HIVEP1: variants seen among roughly 807,000 people sequenced by gnomAD.
The protein encoded by HIVEP1 is zinc finger protein 40.
Under a neutral mutation model 180.0 loss-of-function variants are expected in HIVEP1, and 36 were observed. The ratio of observed to expected loss-of-function variants is 0.20; its 90% CI spans 0.15 to 0.26. The LOEUF (loss-of-function observed/expected upper bound fraction) is 0.26, where lower values mean the gene tolerates loss of function less well. Ranked by LOEUF, HIVEP1 falls within the 10% of genes least tolerant of loss-of-function variation. The pLI is 1.00. For synonymous variants in HIVEP1, 1,239 were observed against 1,239.0 expected (o/e 1.00, Z 0.00); for missense variants, 3,143 against 3,268.7 (o/e 0.96, Z 0.94).
chr6:12,052,006 T>C (rs963349203), intron 2 of HIVEP1, among the ~76,000 whole-genome samples: 10 of 152,224 alleles, frequency 6.6e-5, no homozygotes, highest in African/African-American at 2.4e-4. Flanking sequence ...CAACTGAGGA[T>C]AGCATGTCGT....
chr6:12,203,029 C>T, the HIVEP1 span, among the ~76,000 whole-genome samples: 3 of 152,214 alleles, frequency 2.0e-5, no homozygotes, highest in Non-Finnish European at 2.9e-5. Flanking sequence ...CAAACATTTT[C>T]AGATGTTGAA....
rs748405956 is a variant in HIVEP1 at position 12,123,211 on chromosome 6, C to G, written c.3416C>G (p.Thr1139Ser). Reference sequence around the variant, plus strand: ...ACTGGAATCTCTGTCATCCAGCACACCAACTCCCTGAGCAGGCCCAACTCA... The same window carrying G: ...ACTGGAATCTCTGTCATCCAGCACAGCAACTCCCTGAGCAGGCCCAACTCA... ...HGTGISVIQH[T>S]NSLSRPNSFD... is the part of the protein sequence containing the mutation. Residue 1139 changes from threonine (T) to serine (S), a missense_variant, in exon 4 of 9, where the codon ACC becomes AGC. Thr to Ser is a moderately conservative substitution (Grantham distance 58, BLOSUM62 1). Transcript: ENST00000379388. 1.9e-6 allele frequency: 3 copies of G among 1,614,172 alleles called. No individual in the cohort carries two copies. Among genetic ancestry groups the G allele is most frequent in the Non-Finnish European group, 2.5e-6 (3 of 1,180,022 alleles).
chr6:12,121,263 G>A lies in HIVEP1; in HGVS notation c.1468G>A (p.Glu490Lys), dbSNP rs780487144. 6.2e-6 allele frequency: 10 copies of A among 1,614,168 alleles called. No individual in the cohort carries two copies. The highest frequency in any genetic ancestry group is 7.6e-6 in the Non-Finnish European group (9 of 1,180,040). ...PKALSIHSDV[E>K]DSGESEEEGA... Reference sequence around the variant, plus strand: ...AGCACTTAGTATTCATTCAGACGTAGAAGACAGTGGGGAGAGCGAGGAGGA... The same window carrying A: ...AGCACTTAGTATTCATTCAGACGTAAAAGACAGTGGGGAGAGCGAGGAGGA... The change falls in exon 4 of 9, where the codon GAA becomes AAA. Residue 490 changes from glutamate (E) to lysine (K), a missense_variant. Transcript: ENST00000379388. This position sits in a 1 kb window ranked among gnomAD's most constrained non-coding sequence, Gnocchi z 5.3.
At chr6:12,155,014 T>C (rs187442209) in intron 7 of HIVEP1, among the ~76,000 whole-genome samples, 1 of 152,316 alleles carries the variant, frequency 6.6e-6, no homozygotes, top group Non-Finnish European at 1.5e-5. Context: ...TTTTTCCCTC[T>C]CCTTGCTTTG....
intron 2 of HIVEP1, 57 bp downstream of exon 2, chr6:12,015,725 CTCTT>C: frequency 3.3e-6 from 5 of 1,500,682 alleles, no homozygotes; most frequent in Non-Finnish European, 4.6e-6. Flanking sequence ...AACAAAGTAT[CTCTT>C]TGGTGACAGG....
At chr6:12,075,411 G>A (rs1467570439) in intron 2 of HIVEP1, among the ~76,000 whole-genome samples, 2 of 152,108 alleles carry the variant, frequency 1.3e-5, no homozygotes, top group Non-Finnish European at 2.9e-5. Flanking sequence ...TTTCCTTTGG[G>A]CTCAGATGAT....
rs1264802726 is a variant in HIVEP1 at position 12,125,525 on chromosome 6, A to G, written c.5730A>G (p.Gln1910=). The G allele has an allele frequency of 6.2e-7, 1 of 1,614,194 alleles. No individual in the cohort carries two copies. Among genetic ancestry groups the G allele is most frequent in the Admixed American group, 1.7e-5 (1 of 60,030 alleles). The change falls in exon 4 of 9, where the codon CAA becomes CAG. Residue 1910 remains glutamine (Q), a synonymous_variant. Transcript: ENST00000379388. Reference sequence around the variant, plus strand: ...ATCAAGGTGACAAAGTGAACATCCAAGAGCAAAGTCAACAGCCAGTCACTT... The same window carrying G: ...ATCAAGGTGACAAAGTGAACATCCAGGAGCAAAGTCAACAGCCAGTCACTT... ...VKNQGDKVNI[Q]EQSQQPVTSL... is the part of the protein sequence containing the mutation.
At chr6:12,032,315 T>C (rs1769008939) in intron 2 of HIVEP1, among the ~76,000 whole-genome samples, 1 of 150,594 alleles carries the variant, frequency 6.6e-6, no homozygotes, top group Non-Finnish European at 1.5e-5. Context: ...ATTTTTTGTA[T>C]TTTTTTTTAG....
chr6:12,137,033 T>G (rs946240327), intron 7 of HIVEP1, among the ~76,000 whole-genome samples: 5 of 152,204 alleles, frequency 3.3e-5, no homozygotes, highest in African/African-American at 1.2e-4. Flanking sequence ...AATATATAGG[T>G]AAAAATTCAA....
intron 3 of HIVEP1, among the ~76,000 whole-genome samples, chr6:12,107,585 C>T (rs955246908): frequency 1.1e-4 from 17 of 152,070 alleles, no homozygotes; most frequent in African/African-American, 3.9e-4. Context: ...TTCTGATGTT[C>T]GGATGTGTTC....
chr6:12,125,169 A>G lies in HIVEP1; in HGVS notation c.5374A>G (p.Lys1792Glu), dbSNP rs755545986. ...ALSSRVNEASKQKKPILVRQV... is the reference protein window; with the variant it reads ...ALSSRVNEASEQKKPILVRQV... Reference sequence around the variant, plus strand: ...GAGTTCGAGAGTTAATGAAGCTAGTAAACAGAAGAAGCCTATTTTAGTGAG... The same window carrying G: ...GAGTTCGAGAGTTAATGAAGCTAGTGAACAGAAGAAGCCTATTTTAGTGAG... Residue 1792 changes from lysine (K) to glutamate (E), a missense_variant, in exon 4 of 9, where the codon AAA becomes GAA. Lys to Glu is a moderately conservative substitution (Grantham distance 56). This residue lies in a region of HIVEP1 where 1,357 missense variants were observed against 1,260.5 expected (regional missense o/e 1.08). Transcript: ENST00000379388. The G allele has an allele frequency of 1.9e-6, 3 of 1,613,970 alleles. No homozygotes were observed. The African/African-American group carries it at 4.0e-5, about 22-fold the overall frequency.
At chr6:12,140,479 C>A (rs1758955741) in intron 7 of HIVEP1, among the ~76,000 whole-genome samples, 1 of 152,192 alleles carries the variant, frequency 6.6e-6, no homozygotes, top group Admixed American at 6.5e-5. Context: ...AAGATCGCAG[C>A]TCCTCGCCAG....
intron 2 of HIVEP1, among the ~76,000 whole-genome samples, chr6:12,088,672 G>A (rs149696450): frequency 8.5e-5 from 13 of 152,198 alleles, no homozygotes; most frequent in African/African-American, 2.9e-4. Context: ...ATACTTCATA[G>A]ATGCTGTCAG....
the HIVEP1 span, among the ~76,000 whole-genome samples, chr6:12,192,337 T>C: frequency 1.0e-3 from 159 of 152,358 alleles, no homozygotes; most frequent in Non-Finnish European, 2.0e-3. Context: ...TACATATTTA[T>C]GCAGTACATG....
At chr6:12,045,057 T>C (rs190400713) in intron 2 of HIVEP1, among the ~76,000 whole-genome samples, 6 of 152,260 alleles carry the variant, frequency 3.9e-5, no homozygotes, top group African/African-American at 1.4e-4. Flanking sequence ...ATGAGTTGTT[T>C]AGAACACTAG....
chr6:12,128,427 T>G (rs141960865), intron 4 of HIVEP1, among the ~76,000 whole-genome samples: 1 of 152,210 alleles, frequency 6.6e-6, no homozygotes, highest in Non-Finnish European at 1.5e-5. Flanking sequence ...TTAGTATTAT[T>G]AAGTCATTTC....
intron 2 of HIVEP1, among the ~76,000 whole-genome samples, chr6:12,064,303 T>G (rs1771423865): frequency 6.6e-6 from 1 of 152,208 alleles, no homozygotes; most frequent in South Asian, 2.1e-4. Context: ...CTTTCTGTGT[T>G]ACAACAGTCA....
At chr6:12,079,933 C>T (rs1316294640) in intron 2 of HIVEP1, among the ~76,000 whole-genome samples, 2 of 149,140 alleles carry the variant, frequency 1.3e-5, no homozygotes, top group Admixed American at 6.7e-5. Flanking sequence ...TTCCTGATGG[C>T]ATCTATCTAT....
intron 2 of HIVEP1, among the ~76,000 whole-genome samples, chr6:12,050,599 T>A (rs900820281): frequency 2.4e-4 from 35 of 144,954 alleles, no homozygotes; most frequent in African/African-American, 8.7e-4. Flanking sequence ...AAAAAAAAAA[T>A]AAAAAAATTA....
Sources: gnomAD v4.1 joint callset for allele counts (sites outside exome capture counted in the v4.1 genomes callset) on GRCh38, gnomAD v4.1.1 for gene constraint, gnomAD v4.1.1 regional missense constraint, Gnocchi (gnomAD v3.1) non-coding constraint, MANE v1.5 for transcripts, NCBI Gene and HGNC (gene_info 2026-07-23, HGNC 2026-07-21) for gene names.